The following PTK2 variants were observed in gnomAD, a reference collection of about 807,000 sequenced individuals.
The protein encoded by PTK2 is protein tyrosine kinase 2.
In PTK2, 45 loss-of-function variants were observed where a neutral mutation model predicts 150.1. The ratio of observed to expected loss-of-function variants is 0.30; its 90% confidence interval spans 0.24 to 0.38. The LOEUF is 0.38. Ranked by LOEUF, PTK2 falls within the 10% of genes least tolerant of loss-of-function variation. The pLI is 1.00. For synonymous variants in PTK2, 432 were observed against 449.2 expected, an observed-to-expected ratio of 0.96 and a Z score of 0.48; for missense variants, 919 against 1,307.3, an observed-to-expected ratio of 0.70 and a Z score of 4.58.
chr8:140,803,555 T>C lies in PTK2; in HGVS notation c.963A>G (p.Ala321=), dbSNP rs769776881. Reference sequence around the variant, plus strand: ...AACAGTTCCTTACCTCGGGTGCACCTGCTATTTTTAGTTGTAGCATTCCTT... The same window carrying C: ...AACAGTTCCTTACCTCGGGTGCACCCGCTATTTTTAGTTGTAGCATTCCTT... The change falls in exon 11 of 32, where the codon GCA becomes GCG. Residue 321 remains alanine, a synonymous_variant. Transcript: ENST00000522684. The C allele has an allele frequency of 3.7e-6, 6 of 1,611,622 alleles. No individual in the cohort carries two copies. The South Asian group carries it at 5.5e-5, about 15-fold the overall frequency.
At chr8:140,661,056 T>C (rs1410467516) in intron 31 of PTK2, among the ~76,000 whole-genome samples, 1 of 152,240 alleles carries the variant, frequency 6.6e-6, no homozygotes, top group Non-Finnish European at 1.5e-5. Context: ...CAATGCATTC[T>C]GTCTCAGAGA....
intron 20 of PTK2, among the ~76,000 whole-genome samples, chr8:140,740,602 T>C (rs1213481694): frequency 6.6e-6 from 1 of 152,246 alleles, no homozygotes; most frequent in East Asian, 1.9e-4. Flanking sequence ...AGAAGATATC[T>C]GTGTGAATTT....
intron 1 of PTK2, among the ~76,000 whole-genome samples, chr8:140,982,263 T>C (rs1246172663): frequency 1.3e-5 from 2 of 152,226 alleles, no homozygotes; most frequent in Admixed American, 1.3e-4. Context: ...ATCATTAAGA[T>C]ACACATTGGA....
chr8:140,842,573 T>C (rs1218222289), intron 7 of PTK2, among the ~76,000 whole-genome samples: 1 of 152,104 alleles, frequency 6.6e-6, no homozygotes, highest in Non-Finnish European at 1.5e-5. Context: ...AAGAGCTTAC[T>C]AATAAAATTT....
chr8:140,778,267 A>G (rs1181919923), intron 14 of PTK2, among the ~76,000 whole-genome samples: 1 of 152,218 alleles, frequency 6.6e-6, no homozygotes, highest in Non-Finnish European at 1.5e-5. Flanking sequence ...CAGGAGTTTG[A>G]GACCAGCTAA....
chr8:140,993,219 G>C (rs886263164), intron 1 of PTK2, among the ~76,000 whole-genome samples: 3 of 152,176 alleles, frequency 2.0e-5, no homozygotes, highest in Admixed American at 6.5e-5. Context: ...TTCTTCCCTG[G>C]TATCAAGCCC....
At chr8:140,936,781 T>C (rs2100173782) in intron 1 of PTK2, among the ~76,000 whole-genome samples, 1 of 152,020 alleles carries the variant, frequency 6.6e-6, no homozygotes, top group African/African-American at 2.4e-5. Context: ...TAAACTTAAG[T>C]CCCACAATAG....
chr8:140,758,889 T>C (rs183647650), intron 16 of PTK2, among the ~76,000 whole-genome samples: 1 of 152,272 alleles, frequency 6.6e-6, no homozygotes, highest in East Asian at 1.9e-4. Context: ...GTACCGTTAT[T>C]TTATACTTTA....
intron 10 of PTK2, among the ~76,000 whole-genome samples, chr8:140,804,662 C>T (rs1043810938): frequency 1.3e-5 from 2 of 152,228 alleles, no homozygotes; most frequent in Non-Finnish European, 2.9e-5. Context: ...TAAGGCCACT[C>T]TGTCAGCTAA....
intron 22 of PTK2, chr8:140,721,751 C>G (rs2100043029): frequency 6.6e-6 from 1 of 152,184 alleles, no homozygotes; most frequent in Non-Finnish European, 1.5e-5. Context: ...CCTGGAACAC[C>G]TTTCTCTTCT....
chr8:140,680,223 G>T (rs1248097245), intron 27 of PTK2, among the ~76,000 whole-genome samples: 1 of 152,024 alleles, frequency 6.6e-6, no homozygotes, highest in Non-Finnish European at 1.5e-5. Flanking sequence ...TCATCTGATT[G>T]TCTTAGAAGT....
intron 5 of PTK2, among the ~76,000 whole-genome samples, chr8:140,851,093 G>A (rs1461408004): frequency 6.6e-6 from 1 of 152,322 alleles, no homozygotes; most frequent in East Asian, 1.9e-4. Context: ...TTACTTACTA[G>A]CTGGGTGACC....
chr8:140,989,636 C>G (rs965050636), intron 1 of PTK2, among the ~76,000 whole-genome samples: 1 of 151,870 alleles, frequency 6.6e-6, no homozygotes. Flanking sequence ...CGGCTGGGCA[C>G]GGTGGCTCAC....
chr8:140,853,762 A>G (rs1268925435), intron 5 of PTK2, among the ~76,000 whole-genome samples: 1 of 152,194 alleles, frequency 6.6e-6, no homozygotes, highest in African/African-American at 2.4e-5. Flanking sequence ...AAATCTTCAA[A>G]CCACAGAAAA....
intron 15 of PTK2, among the ~76,000 whole-genome samples, 153 bp downstream of exon 18, chr8:140,762,215 A>G (rs2100069797): frequency 6.6e-6 from 1 of 152,182 alleles, no homozygotes. Flanking sequence ...CCTCTTTAAA[A>G]TCACTTTAGC....
At chr8:140,692,602 A>G (rs2100023841) in intron 26 of PTK2, among the ~76,000 whole-genome samples, 1 of 151,714 alleles carries the variant, frequency 6.6e-6, no homozygotes, top group Non-Finnish European at 1.5e-5. Flanking sequence ...GGGGGACAAG[A>G]GTAAGACTTC....
chr8:140,889,087 C>A (rs1221459729), intron 3 of PTK2, among the ~76,000 whole-genome samples: 1 of 151,658 alleles, frequency 6.6e-6, no homozygotes, highest in African/African-American at 2.4e-5. Flanking sequence ...AAAAAGCTAA[C>A]CAGCTTCATA....
chr8:140,760,474 A>G (rs1229059290), intron 16 of PTK2, among the ~76,000 whole-genome samples: 2 of 152,238 alleles, frequency 1.3e-5, no homozygotes, highest in Non-Finnish European at 2.9e-5. Context: ...GAAGCTGATA[A>G]TAAAAAATCC....
chr8:140,679,054 T>G (rs2100015633), intron 27 of PTK2, among the ~76,000 whole-genome samples: 1 of 122,908 alleles, frequency 8.1e-6, no homozygotes, highest in Non-Finnish European at 1.6e-5. Context: ...AGACGGACTC[T>G]TGCTCTGTCG....
Sources: gnomAD v4.1 joint callset for allele counts (sites outside exome capture counted in the v4.1 genomes callset) on GRCh38, gnomAD v4.1.1 for gene constraint, MANE v1.5 for transcripts, NCBI Gene and HGNC (gene_info 2026-07-23, HGNC 2026-07-21) for gene names.